HPSE2: variants seen among roughly 807,000 people sequenced by gnomAD.
HPSE2 encodes the protein heparanase 2 (inactive), also known as inactive heparanase-2.
In HPSE2, 38 loss-of-function variants were observed where a neutral mutation model predicts 60.5. That is an observed-to-expected ratio of 0.63 (90% CI 0.48 to 0.82). HPSE2 has a LOEUF of 0.82. HPSE2 is among the 40% of genes least tolerant of loss of function. The pLI, the probability that HPSE2 is intolerant of heterozygous loss-of-function variation, is 0.00. For missense variants in HPSE2, 713 were observed against 740.4 expected (o/e 0.96, Z 0.43); for synonymous variants, 295 against 293.2 (o/e 1.01, Z -0.06).
chr10:98,580,140 C>A (rs937201523), intron 9 of HPSE2, among the ~76,000 whole-genome samples: 2 of 152,184 alleles, frequency 1.3e-5, no homozygotes, highest in Admixed American at 1.3e-4. Context: ...CTTAGCCTTA[C>A]TCCTTTTTCT....
intron 9 of HPSE2, among the ~76,000 whole-genome samples, chr10:98,609,431 T>C (rs768782014): frequency 6.6e-6 from 1 of 152,260 alleles, no homozygotes; most frequent in Non-Finnish European, 1.5e-5. Context: ...CTTTTTTCTT[T>C]GAAAAATAGG....
At chr10:98,857,634 G>C (rs1952349526) in intron 3 of HPSE2, among the ~76,000 whole-genome samples, 1 of 152,086 alleles carries the variant, frequency 6.6e-6, no homozygotes, top group Admixed American at 6.5e-5. Flanking sequence ...GGATCTCAAT[G>C]GAGTTGTGTC....
intron 3 of HPSE2, among the ~76,000 whole-genome samples, chr10:98,983,693 G>A (rs1326577683): frequency 6.6e-6 from 1 of 152,224 alleles, no homozygotes; most frequent in African/African-American, 2.4e-5. Flanking sequence ...GCAGGGCAAG[G>A]CATCGCCTCA....
chr10:98,799,631 A>G (rs1950860583), intron 3 of HPSE2, among the ~76,000 whole-genome samples: 1 of 152,198 alleles, frequency 6.6e-6, no homozygotes, highest in Admixed American at 6.5e-5. Context: ...AACAAGAGGA[A>G]TTTTGGACAC....
At chr10:98,965,077 C>T (rs1589436538) in intron 3 of HPSE2, among the ~76,000 whole-genome samples, 1 of 152,148 alleles carries the variant, frequency 6.6e-6, no homozygotes, top group African/African-American at 2.4e-5. Context: ...GTTTCTCTGT[C>T]AACAGACCAC....
At chr10:98,579,600 T>C (rs1944737459) in intron 9 of HPSE2, among the ~76,000 whole-genome samples, 1 of 152,204 alleles carries the variant, frequency 6.6e-6, no homozygotes, top group African/African-American at 2.4e-5. Flanking sequence ...TTCCACTTCC[T>C]AATTCTGTCA....
chr10:98,989,118 C>A (rs1412485398), intron 3 of HPSE2, among the ~76,000 whole-genome samples: 10 of 152,032 alleles, frequency 6.6e-5, no homozygotes, highest in Non-Finnish European at 1.5e-4. Flanking sequence ...ACTAGAAATA[C>A]CACTTGACCC....
chr10:98,893,904 GA>G (rs5787315), intron 3 of HPSE2, among the ~76,000 whole-genome samples: 115,705 of 144,344 alleles, frequency 0.8, 45,919 homozygotes, highest in South Asian at 0.84. Flanking sequence ...TGGTAAACTA[GA>G]AAAAAAAAAA....
At chr10:98,773,835 C>G (rs985217639) in intron 3 of HPSE2, among the ~76,000 whole-genome samples, 16 of 152,138 alleles carry the variant, frequency 1.1e-4, no homozygotes, top group African/African-American at 3.9e-4. Context: ...GAAAGGATTG[C>G]TTTTGAGCTC....
chr10:98,933,876 C>CTGTA (rs1467532476), intron 3 of HPSE2, among the ~76,000 whole-genome samples: 1 of 141,226 alleles, frequency 7.1e-6, no homozygotes, highest in African/African-American at 3.0e-5. Flanking sequence ...GGACTACAGG[C>CTGTA]GCCCACCACC....
intron 9 of HPSE2, among the ~76,000 whole-genome samples, chr10:98,575,491 A>G (rs1195650822): frequency 6.6e-6 from 1 of 152,236 alleles, no homozygotes; most frequent in Non-Finnish European, 1.5e-5. Context: ...CAACAGTCAT[A>G]GTAATAGTGA....
intron 2 of HPSE2, among the ~76,000 whole-genome samples, chr10:99,162,770 T>C (rs10883285): frequency 0.49 from 74,922 of 152,030 alleles, 20,947 homozygotes; most frequent in East Asian, 0.65. Context: ...TCCACTTTGG[T>C]TTCAAAATGT....
Position 98,490,185 on chromosome 10 carries a change from G to C in HPSE2, c.1332C>G (p.Leu444=). 6.2e-7 allele frequency: 1 copy of C among 1,614,144 alleles called. No homozygotes were observed. The change falls in exon 10 of 12, where the codon CTC becomes CTG. Residue 444 remains leucine, a synonymous_variant. Transcript: ENST00000370552. ...CGATCAGGCGCTTGTAGAGGAGAGAGAGCCAGTAGTCCTGAGGAGAATAGA... is the reference window on the plus strand; with the variant it reads ...CGATCAGGCGCTTGTAGAGGAGAGACAGCCAGTAGTCCTGAGGAGAATAGA... ...QNFNPLPDYW[L]SLLYKRLIGP... is the part of the protein sequence containing the mutation.
chr10:98,845,821 C>T (rs1342989570), intron 3 of HPSE2, among the ~76,000 whole-genome samples: 2 of 152,288 alleles, frequency 1.3e-5, no homozygotes, highest in Admixed American at 6.5e-5. Context: ...GGGTAATTTG[C>T]AGGCTGAAGG....
chr10:98,467,393 G>C (rs1039091235), intron 11 of HPSE2, among the ~76,000 whole-genome samples: 1 of 152,130 alleles, frequency 6.6e-6, no homozygotes, highest in Non-Finnish European at 1.5e-5. Context: ...CCAGAAACCC[G>C]TTTTAGTCCA....
At chr10:99,117,417 GAA>G (rs1157232317) in intron 3 of HPSE2, among the ~76,000 whole-genome samples, 131 of 24,756 alleles carry the variant, frequency 5.3e-3, no homozygotes, top group African/African-American at 9.2e-3. Flanking sequence ...TTGTTTTTTT[GAA>G]AAAAAAAAAA....
At chr10:99,171,637 T>C (rs995125932) in intron 2 of HPSE2, among the ~76,000 whole-genome samples, 16 of 152,202 alleles carry the variant, frequency 1.1e-4, no homozygotes, top group Admixed American at 1.0e-3. Flanking sequence ...CTGACATATT[T>C]GACCATTGAG....
At chr10:98,908,440 TTG>T (rs1166846118) in intron 3 of HPSE2, among the ~76,000 whole-genome samples, 1 of 152,112 alleles carries the variant, frequency 6.6e-6, no homozygotes, top group Non-Finnish European at 1.5e-5. Context: ...TCCCAGCACT[TTG>T]TGAGGCTGAG....
chr10:98,579,369 A>ACCTC (rs1944729320), intron 9 of HPSE2, among the ~76,000 whole-genome samples: 1 of 152,162 alleles, frequency 6.6e-6, no homozygotes, highest in Non-Finnish European at 1.5e-5. Context: ...CTATGGCCAG[A>ACCTC]CCTCCACCAC....
Sources: gnomAD v4.1 joint callset for allele counts (sites outside exome capture counted in the v4.1 genomes callset) on GRCh38, gnomAD v4.1.1 for gene constraint, MANE v1.5 for transcripts, NCBI Gene and HGNC (gene_info 2026-07-23, HGNC 2026-07-21) for gene names.